Variants in ZSCAN25 observed in about 807,000 individuals in gnomAD.
ZSCAN25 encodes zinc finger and SCAN domain-containing protein 25.
A neutral mutation model predicts 38.7 loss-of-function variants in ZSCAN25; 27 were observed. The ratio of observed to expected loss-of-function variants is 0.70; its 90% CI spans 0.51 to 0.96. The LOEUF is 0.96. ZSCAN25 is among the 40% of genes least tolerant of loss of function. ZSCAN25 has a pLI of 0.00. For missense variants in ZSCAN25, 637 were observed against 705.9 expected (o/e 0.90, Z 1.11); for synonymous variants, 273 against 277.7 (o/e 0.98, Z 0.17).
chr7:99,656,587 T>C, the ZSCAN25 span, among the ~76,000 whole-genome samples: 1 of 152,230 alleles, frequency 6.6e-6, no homozygotes, highest in Admixed American at 6.5e-5. Flanking sequence ...AGGATGATGC[T>C]GGCCTCATAA....
the ZSCAN25 span, chr7:99,735,099 C>T: frequency 6.2e-7 from 1 of 1,613,874 alleles, no homozygotes; most frequent in South Asian, 1.1e-5. Flanking sequence ...TCCATCACTA[C>T]TTTCCTTCCT....
chr7:99,690,087 G>A, the ZSCAN25 span, among the ~76,000 whole-genome samples: 1 of 152,206 alleles, frequency 6.6e-6, no homozygotes, highest in East Asian at 1.9e-4. Flanking sequence ...GCATGGTACT[G>A]GTACCAAAAC....
At chr7:99,730,975 C>G in the ZSCAN25 span, 1 of 1,551,072 alleles carries the variant, frequency 6.4e-7, no homozygotes, top group African/African-American at 1.4e-5. Flanking sequence ...AGACCTTCCT[C>G]TTGAGGAGAA....
chr7:99,724,268 A>G, the ZSCAN25 span, among the ~76,000 whole-genome samples: 1 of 152,190 alleles, frequency 6.6e-6, no homozygotes, highest in Non-Finnish European at 1.5e-5. Context: ...CTTCTGCAAT[A>G]CCGCTTGGCC....
chr7:99,700,108 G>T, the ZSCAN25 span: 2 of 1,047,376 alleles, frequency 1.9e-6, no homozygotes, highest in Non-Finnish European at 3.0e-6. Context: ...TGGGCTGTCT[G>T]CCTGGAGCAT....
downstream of ZSCAN25, among the ~76,000 whole-genome samples, chr7:99,637,378 T>TG (rs1232773587): frequency 6.6e-6 from 1 of 152,160 alleles, no homozygotes; most frequent in Non-Finnish European, 1.5e-5. Context: ...CTCCAATTTC[T>TG]GGGAAGAGTG....
chr7:99,681,471 G>T, the ZSCAN25 span, among the ~76,000 whole-genome samples: 1 of 152,186 alleles, frequency 6.6e-6, no homozygotes, highest in Admixed American at 6.5e-5. Context: ...GCTGGCATTT[G>T]TTGTTGCCTG....
the ZSCAN25 span, among the ~76,000 whole-genome samples, chr7:99,657,942 C>T: frequency 6.6e-6 from 1 of 152,106 alleles, no homozygotes; most frequent in Non-Finnish European, 1.5e-5. Context: ...CTTGGTAGAT[C>T]TTCCTCCATC....
chr7:99,653,077 A>C, the ZSCAN25 span, among the ~76,000 whole-genome samples: 2 of 152,222 alleles, frequency 1.3e-5, no homozygotes, highest in African/African-American at 4.8e-5. The surrounding 1 kb of genome is among the most constrained non-coding windows in gnomAD (Gnocchi z 4.2). Flanking sequence ...AAATGTGATT[A>C]ATGGGGCTAT....
chr7:99,669,976 A>G, the ZSCAN25 span, among the ~76,000 whole-genome samples: 1,335 of 152,310 alleles, frequency 8.8e-3, 18 homozygotes, highest in African/African-American at 0.031. Context: ...CCATGTGCAC[A>G]AGCTTTAAAA....
chr7:99,716,754 A>G, the ZSCAN25 span, among the ~76,000 whole-genome samples: 1 of 152,186 alleles, frequency 6.6e-6, no homozygotes, highest in Non-Finnish European at 1.5e-5. Flanking sequence ...CAGAAAAAAA[A>G]CATGAAATGA....
chr7:99,660,070 T>G, the ZSCAN25 span: 2 of 395,740 alleles, frequency 5.1e-6, no homozygotes, highest in Non-Finnish European at 6.9e-6. Context: ...GCACCCACTG[T>G]CCTGCACCCA....
the ZSCAN25 span, among the ~76,000 whole-genome samples, chr7:99,677,913 A>G: frequency 6.6e-6 from 1 of 152,202 alleles, no homozygotes; most frequent in South Asian, 2.1e-4. Flanking sequence ...GATCTTGGTG[A>G]GTGTCTAGAT....
chr7:99,718,109 C>A, the ZSCAN25 span, among the ~76,000 whole-genome samples: 2 of 151,836 alleles, frequency 1.3e-5, no homozygotes, highest in Non-Finnish European at 2.9e-5. Context: ...ACATCACACA[C>A]TGGGGCCTGT....
Position 99,631,629 on chromosome 7 carries a change from T to G in ZSCAN25, c.*1609T>G. ...ATTCTTTTACTGAGATTTTTTTTTT[T>G]CATTTTCCATTGTAAATAAGGTAAA... is the stretch of plus-strand genomic sequence containing the variant. On this transcript the variant is annotated 3_prime_UTR_variant, in exon 8 of 8. Transcript: ENST00000394152. The G allele has an allele frequency of 1.0e-6, 1 of 985,362 alleles. No individual in the cohort carries two copies. The highest frequency in any genetic ancestry group is 1.2e-6 in the Non-Finnish European group (1 of 829,900). The allele number at this position is 985,362 out of a possible 1,614,324, so 61.0% of individuals were successfully genotyped here.
the ZSCAN25 span, among the ~76,000 whole-genome samples, chr7:99,649,882 T>C: frequency 6.6e-6 from 1 of 152,140 alleles, no homozygotes; most frequent in Non-Finnish European, 1.5e-5. Flanking sequence ...GTGTGGACTT[T>C]ACATGATGTT....
chr7:99,629,643 G>T lies in ZSCAN25; in HGVS notation c.1258G>T (p.Val420Leu), dbSNP rs2151297638. 1 of 1,614,078 alleles carries T rather than the reference G, an allele frequency of 6.2e-7. No individual in the cohort carries two copies. The highest frequency in any genetic ancestry group is 8.5e-7 in the Non-Finnish European group (1 of 1,180,022). Residue 420 changes from valine to leucine, a missense_variant, in exon 8 of 8, where the codon GTG becomes TTG. Transcript: ENST00000394152. This position sits in a 1 kb window ranked among gnomAD's most constrained non-coding sequence, Gnocchi z 5.6. Reference sequence around the variant, plus strand: ...CTTCAGCCAGAGACACCACCTGGAGGTGCACCAGCGCAGCCACACTGGGGA... The same window carrying T: ...CTTCAGCCAGAGACACCACCTGGAGTTGCACCAGCGCAGCCACACTGGGGA... ...KTFSQRHHLE[V>L]HQRSHTGEKP...
At chr7:99,703,392 C>T in the ZSCAN25 span, among the ~76,000 whole-genome samples, 2,552 of 152,172 alleles carry the variant, frequency 0.017, 62 homozygotes, top group African/African-American at 0.056. Context: ...AAGACTTGGG[C>T]GCTAAGTGTG....
chr7:99,725,772 G>C, the ZSCAN25 span, among the ~76,000 whole-genome samples: 1 of 152,146 alleles, frequency 6.6e-6, no homozygotes, highest in African/African-American at 2.4e-5. Flanking sequence ...GAAGCCCCCC[G>C]GAGAATCACG....
Sources: allele counts gnomAD v4.1 joint callset (sites outside exome capture counted in the v4.1 genomes callset), GRCh38; gene constraint gnomAD v4.1.1; non-coding constraint Gnocchi (gnomAD v3.1); transcripts MANE v1.5; gene names NCBI Gene and HGNC (gene_info 2026-07-23, HGNC 2026-07-21).